Variants in RHCG observed in about 807,000 individuals in gnomAD.
RHCG encodes ammonium transporter Rh type C.
RHCG carries 39 observed loss-of-function variants against 55.3 expected under a neutral mutation model. The observed-to-expected ratio is 0.70, with a 90% CI of 0.55 to 0.92. The LOEUF is 0.92. RHCG is among the 40% of genes least tolerant of loss of function. The probability of loss-of-function intolerance (pLI) is 0.00; values close to 1 mark genes in which losing one functional copy is unlikely to be tolerated. For missense variants in RHCG, 635 were observed against 627.9 expected (o/e 1.01, Z -0.12); for synonymous variants, 250 against 246.8 (o/e 1.01, Z -0.12).
chr15:89,475,859 A>C (rs1224665825), intron 9 of RHCG, among the ~76,000 whole-genome samples: 2 of 151,990 alleles, frequency 1.3e-5, no homozygotes, highest in Non-Finnish European at 2.9e-5. Context: ...TAGCGCGAAA[A>C]CCGCTGCTCA....
At chr15:89,473,460 G>C (rs1275515814) in intron 9 of RHCG, among the ~76,000 whole-genome samples, 1 of 152,156 alleles carries the variant, frequency 6.6e-6, no homozygotes, top group African/African-American at 2.4e-5. Context: ...ACCACTCAGG[G>C]CCTCAGGGAC....
intron 2 of RHCG, among the ~76,000 whole-genome samples, chr15:89,484,079 T>A (rs1372418633): frequency 1.1e-3 from 1 of 932 alleles, no homozygotes; most frequent in Admixed American, 0.017. Context: ...GAGTTGTTGA[T>A]GGGGTGGGTG....
At position 89,477,025 on chromosome 15, in the gene RHCG, C is replaced by T; in HGVS notation, c.1237+57G>A. 1 of 1,610,152 alleles carries T rather than the reference C, an allele frequency of 6.2e-7. No individual in the cohort carries two copies. The highest frequency in any genetic ancestry group is 8.5e-7 in the Non-Finnish European group (1 of 1,177,378). On this transcript the variant is annotated intron_variant, in intron 8 of 10. Coordinates refer to ENST00000268122, the MANE Select transcript of RHCG (RefSeq NM_016321.3). This position sits in a 1 kb window ranked among gnomAD's most constrained non-coding sequence, Gnocchi z 4.5. ...CTGTGCCGCATGCCCTTTGCTTCTC[C>T]ACCCAGGGAGCCCCACAGCAGCACC...
intron 2 of RHCG, among the ~76,000 whole-genome samples, chr15:89,483,986 C>A (rs989643966): frequency 6.6e-6 from 1 of 152,218 alleles, no homozygotes; most frequent in Non-Finnish European, 1.5e-5. Flanking sequence ...TTTGCCCAAG[C>A]CTGGCCTCCT....
chr15:89,474,986 CTGCCT>C lies in RHCG; in HGVS notation c.1311+1764_1311+1768del, dbSNP rs1210819434. 5.4e-4 allele frequency among the ~76,000 whole-genome samples: 76 copies of C among 140,692 alleles called. 12 individuals are homozygous for C. Among genetic ancestry groups the C allele is most frequent in the Middle Eastern group, 3.6e-3 (1 of 280 alleles). The allele number at this position is 140,692 out of a possible 152,430, so 92.3% of individuals were successfully genotyped here. A position where few individuals can be genotyped will look rare whatever the true frequency, so the allele number is the denominator to read the frequency against. ...CCTGCCTGCCTTCATTCATTCCTGC[CTGCCT>C]GCCTTCCTTCCTTCCTGCCCGCCTT... is the stretch of plus-strand genomic sequence containing the variant. On this transcript the variant is annotated intron_variant, in intron 9 of 10. Transcript: ENST00000268122.
chr15:89,474,848 GCCTGCCTGCCTT>G, intron 9 of RHCG, among the ~76,000 whole-genome samples: 1 of 49,006 alleles, frequency 2.0e-5, no homozygotes, highest in African/African-American at 9.8e-5. Context: ...CTTCCTTCCT[GCCTGCCTGCCTT>G]CCTTCCTGCC....
At chr15:89,476,154 C>T (rs1961146257) in intron 9 of RHCG, among the ~76,000 whole-genome samples, 1 of 152,124 alleles carries the variant, frequency 6.6e-6, no homozygotes, top group Admixed American at 6.5e-5. Context: ...TTAGCCTCCA[C>T]CTCCTGGGCT....
Position 89,479,412 on chromosome 15 carries a change from G to T in RHCG, c.747C>A (p.Ala249=). ...CCAAGGAGCAGTAGGTGTTGATGGCGGCTCGGTGCTGGCTGTCCCCATGGT... is the reference window on the plus strand; with the variant it reads ...CCAAGGAGCAGTAGGTGTTGATGGCTGCTCGGTGCTGGCTGTCCCCATGGT... ...ISYHGDSQHR[A]AINTYCSLAA... The change falls in exon 5 of 11, where the codon GCC becomes GCA. Residue 249 remains alanine (A), a synonymous_variant. Transcript: ENST00000268122. The T allele has an allele frequency of 1.2e-6, 2 of 1,614,170 alleles. No individual in the cohort carries two copies. Among genetic ancestry groups the T allele is most frequent in the African/African-American group, 2.7e-5 (2 of 75,058 alleles).
chr15:89,493,051 G>A (rs1397549078), intron 1 of RHCG, among the ~76,000 whole-genome samples: 2 of 152,214 alleles, frequency 1.3e-5, no homozygotes, highest in Non-Finnish European at 2.9e-5. Flanking sequence ...ACCCGAATGG[G>A]ATCTGTTTAA....
intron 1 of RHCG, among the ~76,000 whole-genome samples, chr15:89,489,653 C>G (rs1244587723): frequency 6.6e-6 from 1 of 152,146 alleles, no homozygotes; most frequent in Non-Finnish European, 1.5e-5. Context: ...GCTCTGGCCT[C>G]CCTTCTGCTT....
At position 89,477,787 on chromosome 15, in the gene RHCG, C is replaced by T; in HGVS notation, c.975+50G>A. 6.2e-7 allele frequency: 1 copy of T among 1,610,828 alleles called. No individual in the cohort carries two copies. The highest frequency in any genetic ancestry group is 1.1e-5 in the South Asian group (1 of 90,738). ...AACCCTCAGCTCACTGTCAGGAACA[C>T]AAAGACCTCAGCATTCTCTAGCCCC... On this transcript the variant is annotated intron_variant, in intron 6 of 10. Transcript: ENST00000268122. This position sits in a 1 kb window ranked among gnomAD's most constrained non-coding sequence, Gnocchi z 4.5.
chr15:89,480,518 T>C (rs1198358336), intron 3 of RHCG, 110 bp from the exon 4 acceptor site: 2 of 1,331,414 alleles, frequency 1.5e-6, no homozygotes, highest in African/African-American at 1.5e-5. Context: ...CTTCTCGGAC[T>C]CTTCAGGGTG....
intron 5 of RHCG, among the ~76,000 whole-genome samples, chr15:89,478,979 A>G (rs1315283008): frequency 6.6e-6 from 1 of 152,176 alleles, no homozygotes; most frequent in Non-Finnish European, 1.5e-5. Context: ...CTGCACCTGC[A>G]GTCCCAGCTA....
intron 9 of RHCG, 78 bp downstream of exon 9, chr15:89,476,677 C>A: frequency 7.8e-7 from 1 of 1,279,824 alleles, no homozygotes; most frequent in South Asian, 1.2e-5. Flanking sequence ...GTCCCCAGGC[C>A]CCAGCCCAGC....
Position 89,477,292 on chromosome 15 carries a change from C to T in RHCG, c.1113-86G>A, listed in dbSNP as rs772881443. 1.4e-4 allele frequency: 221 copies of T among 1,561,904 alleles called. No homozygotes were observed. Among genetic ancestry groups the T allele is most frequent in the Non-Finnish European group, 1.9e-4 (216 of 1,143,294 alleles). Reference sequence around the variant, plus strand: ...CCACCCCAAAAATGTGACCGGGTACCACGGGCCTCAGCCTTCCCACCCACA... The same window carrying T: ...CCACCCCAAAAATGTGACCGGGTACTACGGGCCTCAGCCTTCCCACCCACA... On this transcript the variant is annotated intron_variant, in intron 7 of 10. Coordinates refer to ENST00000268122, the MANE Select transcript of RHCG (RefSeq NM_016321.3). The surrounding 1 kb of genome is among the most constrained non-coding windows in gnomAD (Gnocchi z 4.5).
chr15:89,472,588 G>A lies in RHCG; in HGVS notation c.*24+123C>T, dbSNP rs901965743. On this transcript the variant is annotated intron_variant, in intron 10 of 10. Transcript: ENST00000268122. Reference sequence around the variant, plus strand: ...GTGCCCACTGCACCTCAGGCAGGAGGGGTGGAAGCCCTCATTTCTTGATGT... The same window carrying A: ...GTGCCCACTGCACCTCAGGCAGGAGAGGTGGAAGCCCTCATTTCTTGATGT... The A allele has an allele frequency of 1.6e-5, 15 of 952,916 alleles. No homozygotes were observed. The East Asian group carries it at 3.6e-4, about 23-fold the overall frequency. The allele number at this position is 952,916 out of a possible 1,614,324, so 59.0% of individuals were successfully genotyped here. A position where few individuals can be genotyped will look rare whatever the true frequency, so the allele number is the denominator to read the frequency against.
intron 10 of RHCG, among the ~76,000 whole-genome samples, chr15:89,472,312 G>A (rs1007665438): frequency 4.6e-5 from 7 of 152,132 alleles, no homozygotes; most frequent in Non-Finnish European, 1.0e-4. Flanking sequence ...GGGGAGGGTG[G>A]GTCTCATCTG....
intron 9 of RHCG, among the ~76,000 whole-genome samples, chr15:89,474,607 T>C (rs1183143778): frequency 6.6e-6 from 1 of 152,240 alleles, no homozygotes; most frequent in Non-Finnish European, 1.5e-5. Context: ...GGCATGTTTT[T>C]AAGGAAACTG....
intron 1 of RHCG, among the ~76,000 whole-genome samples, chr15:89,492,844 C>T (rs936564946): frequency 1.3e-5 from 2 of 152,202 alleles, no homozygotes; most frequent in African/African-American, 4.8e-5. Context: ...ATGGAAGGAG[C>T]ACTTACTCCC....
Sources: gnomAD v4.1 joint callset for allele counts (sites outside exome capture counted in the v4.1 genomes callset) on GRCh38, gnomAD v4.1.1 for gene constraint, Gnocchi (gnomAD v3.1) non-coding constraint, MANE v1.5 for transcripts, NCBI Gene and HGNC (gene_info 2026-07-23, HGNC 2026-07-21) for gene names.